TGFBR3: variants seen among roughly 807,000 people sequenced by gnomAD.
TGFBR3 encodes transforming growth factor beta receptor 3.
In TGFBR3, 46 loss-of-function variants were observed where a neutral mutation model predicts 87.9. The ratio of observed to expected loss-of-function variants is 0.52; its 90% CI spans 0.41 to 0.67. TGFBR3 has a LOEUF of 0.67. TGFBR3 is among the 30% of genes least tolerant of loss of function. The pLI is 0.00. For missense variants in TGFBR3, 866 were observed against 1,041.9 expected, an observed-to-expected ratio of 0.83 and a Z score of 2.32; for synonymous variants, 381 against 391.6, an observed-to-expected ratio of 0.97 and a Z score of 0.32.
At position 91,746,177 on chromosome 1, in the gene TGFBR3, A is replaced by C. The variant is rs377124440; in HGVS notation, c.385-11218T>G. Among the ~76,000 whole-genome samples, 15 of 152,362 alleles carry C rather than the reference A, an allele frequency of 9.8e-5. No homozygotes were observed. In the East Asian group the frequency reaches 1.2e-3, roughly 12 times the overall value. On this transcript the variant is annotated intron_variant, in intron 4 of 16. Transcript: ENST00000212355. The stretch of plus-strand genomic sequence containing the variant: ...AACACAAACATGCACAAACTTGAAC[A>C]TGAGCCAGTACAAAAGCAATACTCT...
At chr1:91,886,536 T>A (rs911761114), upstream of TGFBR3, among the ~76,000 whole-genome samples, 2 of 152,184 alleles carry the variant, frequency 1.3e-5, no homozygotes, top group Non-Finnish European at 2.9e-5. Context: ...ACGAGGTCCT[T>A]TGAACTTTCC....
intron 2 of TGFBR3, among the ~76,000 whole-genome samples, chr1:91,822,909 G>C (rs894035552): frequency 2.6e-5 from 4 of 152,142 alleles, no homozygotes; most frequent in Non-Finnish European, 4.4e-5. Context: ...CTGGGTGACA[G>C]AACTAGATAG....
At chr1:91,805,584 C>T (rs17884703) in intron 2 of TGFBR3, among the ~76,000 whole-genome samples, 4,196 of 152,314 alleles carry the variant, frequency 0.028, 96 homozygotes, top group Non-Finnish European at 0.045. Context: ...GCCACACTGC[C>T]AAGGCCACTG....
intron 4 of TGFBR3, among the ~76,000 whole-genome samples, chr1:91,745,294 A>G (rs1412511649): frequency 1.3e-5 from 2 of 152,234 alleles, no homozygotes; most frequent in African/African-American, 2.4e-5. Flanking sequence ...CTCTTTTTGG[A>G]GTTGCCTGCT....
chr1:91,854,637 T>A (rs1677870077), intron 2 of TGFBR3, among the ~76,000 whole-genome samples: 1 of 152,120 alleles, frequency 6.6e-6, no homozygotes, highest in African/African-American at 2.4e-5. Context: ...GTGTGTGAGG[T>A]TATGCATATG....
chr1:91,754,644 A>G (rs1673675845), intron 4 of TGFBR3, among the ~76,000 whole-genome samples: 1 of 152,186 alleles, frequency 6.6e-6, no homozygotes, highest in Non-Finnish European at 1.5e-5. Flanking sequence ...TGAGGGGGTG[A>G]GAAGGACTGA....
At chr1:91,836,845 T>C (rs1677086915) in intron 2 of TGFBR3, among the ~76,000 whole-genome samples, 1 of 152,178 alleles carries the variant, frequency 6.6e-6, no homozygotes, top group Non-Finnish European at 1.5e-5. Context: ...GATATTTATA[T>C]TTCTGCTAAA....
intron 3 of TGFBR3, among the ~76,000 whole-genome samples, chr1:91,759,141 T>C (rs284177): frequency 0.38 from 57,217 of 151,932 alleles, 11,666 homozygotes; most frequent in Middle Eastern, 0.45. Flanking sequence ...CAAAATCCCC[T>C]TGGGGTGGGG....
At chr1:91,692,251 T>C (rs7549755) in intron 16 of TGFBR3, among the ~76,000 whole-genome samples, 27,184 of 152,104 alleles carry the variant, frequency 0.18, 2,538 homozygotes, top group Non-Finnish European at 0.2. Context: ...AGAGCAAAGG[T>C]GTAAACCTGC....
At chr1:91,687,342 G>A (rs1192231726) in intron 16 of TGFBR3, among the ~76,000 whole-genome samples, 3 of 152,064 alleles carry the variant, frequency 2.0e-5, no homozygotes, top group South Asian at 2.1e-4. Context: ...CCAGGGGGAA[G>A]AAGAAAAAAA....
chr1:91,893,135 G>C (rs537041203), intron 2 of TGFBR3, among the ~76,000 whole-genome samples: 4 of 152,094 alleles, frequency 2.6e-5, no homozygotes, highest in Admixed American at 6.5e-5. Context: ...TTTGTGGAAG[G>C]CCGTGTTGTA....
intron 7 of TGFBR3, among the ~76,000 whole-genome samples, chr1:91,725,594 T>C (rs1015697164): frequency 2.0e-5 from 3 of 152,202 alleles, no homozygotes; most frequent in East Asian, 1.9e-4. Flanking sequence ...AAATATCCTA[T>C]AGGCCCTTAA....
Position 91,683,347 on chromosome 1 carries a change from T to C in TGFBR3, c.*392A>G, listed in dbSNP as rs1670975584. The stretch of plus-strand genomic sequence containing the variant: ...CCTCACTGGTTCTACTATCTGGCTA[T>C]TAACCCTTTACCAACTCCTTGAGTC... On this transcript the variant is annotated 3_prime_UTR_variant, in exon 17 of 17. Coordinates refer to ENST00000212355, the MANE Select transcript of TGFBR3 (RefSeq NM_003243.5). 5 of 478,204 alleles carry C rather than the reference T, an allele frequency of 1.0e-5. No homozygotes were observed. The highest frequency in any genetic ancestry group is 1.2e-5 in the Non-Finnish European group (3 of 243,060). 29.6% of individuals were successfully genotyped at this position (478,204 alleles called of 1,614,324 possible).
chr1:91,860,990 GC>G (rs1203200819), intron 2 of TGFBR3, among the ~76,000 whole-genome samples: 1 of 145,574 alleles, frequency 6.9e-6, no homozygotes, highest in Admixed American at 6.9e-5. Flanking sequence ...TGTGAAATAG[GC>G]AAAACTAAAT....
At chr1:91,783,744 G>A (rs1674857658) in intron 3 of TGFBR3, among the ~76,000 whole-genome samples, 1 of 152,048 alleles carries the variant, frequency 6.6e-6, no homozygotes, top group South Asian at 2.1e-4. Flanking sequence ...TATTAAACAG[G>A]GAACAAATTA....
chr1:91,868,891 C>T (rs2101229398), intron 1 of TGFBR3, among the ~76,000 whole-genome samples: 1 of 152,318 alleles, frequency 6.6e-6, no homozygotes, highest in South Asian at 2.1e-4. Flanking sequence ...AATTAAAACT[C>T]TTCAATGGTT....
At chr1:91,716,860 G>T in intron 10 of TGFBR3, 152 bp from the exon 11 acceptor site, 2 of 983,790 alleles carry the variant, frequency 2.0e-6, no homozygotes, top group Non-Finnish European at 3.2e-6. Context: ...AGGCTTTTTC[G>T]AATTATATCT....
At position 91,885,988 on chromosome 1, in the gene TGFBR3, C is replaced by T. The variant is rs996908736; in HGVS notation, c.-224G>A. ...CGGCGAGCTCCGGCAGCTGCTGCGC[C>T]GCGGCAAAACTACGCCATCCGGACC... is the stretch of plus-strand genomic sequence containing the variant. On this transcript the variant is annotated 5_prime_UTR_variant, in exon 1 of 17. Coordinates refer to ENST00000212355, the MANE Select transcript of TGFBR3 (RefSeq NM_003243.5). 7.7e-5 allele frequency: 35 copies of T among 452,748 alleles called. No individual in the cohort carries two copies. The highest frequency in any genetic ancestry group is 1.2e-4 in the Non-Finnish European group (27 of 225,986). 28.0% of individuals were successfully genotyped at this position (452,748 alleles called of 1,614,324 possible).
chr1:91,772,789 T>C (rs1335356849), intron 3 of TGFBR3, among the ~76,000 whole-genome samples: 1 of 152,188 alleles, frequency 6.6e-6, no homozygotes, highest in Non-Finnish European at 1.5e-5. Context: ...CTCTTAAATC[T>C]TGGCAAGACC....
Sources: allele counts gnomAD v4.1 joint callset (sites outside exome capture counted in the v4.1 genomes callset), GRCh38; gene constraint gnomAD v4.1.1; transcripts MANE v1.5; gene names NCBI Gene and HGNC (gene_info 2026-07-23, HGNC 2026-07-21).